DZIP3: variants seen among roughly 807,000 people sequenced by gnomAD.
DZIP3 encodes the protein DAZ interacting zinc finger protein 3.
A neutral mutation model predicts 162.0 loss-of-function variants in DZIP3; 118 were observed. The ratio of observed to expected loss-of-function variants is 0.73; its 90% CI spans 0.63 to 0.85. The LOEUF is 0.85. DZIP3 is among the 40% of genes least tolerant of loss of function. The pLI is 0.00. For synonymous variants in DZIP3, 438 were observed against 458.6 expected, an observed-to-expected ratio of 0.96 and a Z score of 0.57; for missense variants, 1,331 against 1,407.0, an observed-to-expected ratio of 0.95 and a Z score of 0.86.
At position 108,600,955 on chromosome 3, in the gene DZIP3, C is replaced by T. The variant is rs149301360; in HGVS notation, c.-72-4380C>T. ...AAATTAATAAACTTTCTCTGTGCTT[C>T]AGCTTCCTTATCTAACGAAGAAACT... On this transcript the variant is annotated intron_variant, in intron 1 of 32. Coordinates refer to ENST00000361582, the MANE Select transcript of DZIP3 (RefSeq NM_014648.4). Among the ~76,000 whole-genome samples, 327 of 152,296 alleles carry T rather than the reference C, an allele frequency of 2.1e-3. 2 individuals are homozygous for T. The highest frequency in any genetic ancestry group is 7.6e-3 in the African/African-American group (314 of 41,558).
At chr3:108,624,645 ATTTCT>A (rs1412741121) in intron 6 of DZIP3, 121 bp downstream of exon 6, 205 of 490,186 alleles carry the variant, frequency 4.2e-4, no homozygotes, top group Non-Finnish European at 6.4e-4. Context: ...TTATAACTTC[ATTTCT>A]TTTATTTATC....
At chr3:108,663,252 A>G (rs933706596) in intron 21 of DZIP3, among the ~76,000 whole-genome samples, 2 of 152,156 alleles carry the variant, frequency 1.3e-5, no homozygotes, top group African/African-American at 2.4e-5. Flanking sequence ...GCTGGCTGCA[A>G]TCACTTAAGA....
At chr3:108,640,178 A>G in intron 12 of DZIP3, among the ~76,000 whole-genome samples, 1 of 152,100 alleles carries the variant, frequency 6.6e-6, no homozygotes. Flanking sequence ...TGGATTTGTA[A>G]ATAATGTGTC....
At chr3:108,592,836 TTTAC>T (rs1428017714) in intron 1 of DZIP3, among the ~76,000 whole-genome samples, 4 of 152,216 alleles carry the variant, frequency 2.6e-5, no homozygotes, top group Non-Finnish European at 4.4e-5. Flanking sequence ...TAGAGATTGG[TTTAC>T]TTAGACTTTC....
At position 108,686,541 on chromosome 3, in the gene DZIP3, A is replaced by C; in HGVS notation, c.3106A>C (p.Arg1036=). ...RSDPSIMNWE[R]ITDRLKTAFP... ...TGATCCCTCCATCATGAATTGGGAG[A>C]GAATTACAGACAGGCTGAAAACTGC... Residue 1036 remains arginine, a synonymous_variant, in exon 28 of 33, where the codon AGA becomes CGA. Coordinates refer to ENST00000361582, the MANE Select transcript of DZIP3 (RefSeq NM_014648.4). The C allele has an allele frequency of 6.2e-7, 1 of 1,611,306 alleles. No homozygotes were observed.
intron 19 of DZIP3, among the ~76,000 whole-genome samples, chr3:108,655,656 C>T (rs1410955269): frequency 6.6e-6 from 1 of 152,056 alleles, no homozygotes; most frequent in Non-Finnish European, 1.5e-5. Flanking sequence ...GGGTTCAGGA[C>T]AGTGGGTGCG....
At position 108,688,084 on chromosome 3, in the gene DZIP3, C is replaced by T. The variant is rs922765651; in HGVS notation, c.3258C>T (p.Pro1086=). ...IVCKISQFID[P]KKSQSQGKSV... ...GCAAGATTTCCCAGTTTATTGACCCCAAAAAGTCTCAGGTAAAATGCAAAA... is the reference window on the plus strand; with the variant it reads ...GCAAGATTTCCCAGTTTATTGACCCTAAAAAGTCTCAGGTAAAATGCAAAA... The change falls in exon 29 of 33, where the codon CCC becomes CCT. Residue 1086 remains proline (P), a synonymous_variant. Transcript: ENST00000361582. 6.2e-7 allele frequency: 1 copy of T among 1,613,186 alleles called. No individual in the cohort carries two copies. The highest frequency in any genetic ancestry group is 8.5e-7 in the Non-Finnish European group (1 of 1,179,566).
intron 12 of DZIP3, among the ~76,000 whole-genome samples, chr3:108,640,753 C>CT (rs961609134): frequency 2.0e-5 from 3 of 152,022 alleles, no homozygotes; most frequent in African/African-American, 7.2e-5. Context: ...CTTAACATCT[C>CT]TTTTTAACCC....
intron 10 of DZIP3, 46 bp downstream of exon 10, chr3:108,635,018 C>A: frequency 8.2e-7 from 1 of 1,216,154 alleles, no homozygotes. Flanking sequence ...CTTCCTCTAC[C>A]CTTTCCTCTT....
intron 11 of DZIP3, among the ~76,000 whole-genome samples, chr3:108,637,089 A>G (rs1442638253): frequency 6.6e-6 from 1 of 152,030 alleles, no homozygotes; most frequent in East Asian, 1.9e-4. Context: ...GTATCTACAG[A>G]ACATCACATA....
At chr3:108,645,085 A>G (rs1942564789) in intron 14 of DZIP3, among the ~76,000 whole-genome samples, 1 of 152,178 alleles carries the variant, frequency 6.6e-6, no homozygotes, top group Non-Finnish European at 1.5e-5. Flanking sequence ...ACAAAAATAA[A>G]GGTATAGAAA....
At chr3:108,611,434 A>G in intron 4 of DZIP3, 105 bp downstream of exon 4, 1 of 1,365,854 alleles carries the variant, frequency 7.3e-7, no homozygotes, top group South Asian at 1.4e-5. Flanking sequence ...GGTCTTGAAA[A>G]AAATCTCCAT....
intron 15 of DZIP3, among the ~76,000 whole-genome samples, chr3:108,647,606 C>A (rs1271350231): frequency 6.6e-6 from 1 of 152,070 alleles, no homozygotes; most frequent in Non-Finnish European, 1.5e-5. Flanking sequence ...TAAAATAATA[C>A]TAGTTGCATT....
intron 32 of DZIP3, among the ~76,000 whole-genome samples, chr3:108,692,833 T>C (rs1944746666): frequency 1.3e-5 from 2 of 151,140 alleles, no homozygotes; most frequent in Non-Finnish European, 3.0e-5. Flanking sequence ...AACAAATTTT[T>C]ATATAATAAG....
intron 3 of DZIP3, among the ~76,000 whole-genome samples, chr3:108,610,025 G>T (rs1001705656): frequency 6.6e-6 from 1 of 152,118 alleles, no homozygotes; most frequent in African/African-American, 2.4e-5. Flanking sequence ...TAGTTACTTT[G>T]TAGAATTTTG....
At chr3:108,637,644 T>TG in intron 12 of DZIP3, 96 bp downstream of exon 12, 4 of 1,102,818 alleles carry the variant, frequency 3.6e-6, no homozygotes, top group Non-Finnish European at 2.6e-6. Flanking sequence ...CTAATAGAGC[T>TG]GCATTAAATT....
In DZIP3 at chr3:108,620,890, C is replaced by T. The variant is rs186332781; in HGVS notation, c.376-3554C>T. Among the ~76,000 whole-genome samples, 159 of 152,262 alleles carry T rather than the reference C, an allele frequency of 1.0e-3. 1 individual carries two copies. The highest frequency in any genetic ancestry group is 3.4e-3 in the Middle Eastern group (1 of 294). ...AGGCTGGAATGCAGTGGCACGATCT[C>T]GGCTCACTGCAACCTCCACCTCCTG... On this transcript the variant is annotated intron_variant, in intron 5 of 32. Coordinates refer to ENST00000361582, the MANE Select transcript of DZIP3 (RefSeq NM_014648.4).
chr3:108,660,333 C>G (rs1007684631), intron 19 of DZIP3, among the ~76,000 whole-genome samples: 1 of 152,092 alleles, frequency 6.6e-6, no homozygotes, highest in Non-Finnish European at 1.5e-5. Context: ...GAAATAATGC[C>G]ACATATCTAC....
chr3:108,662,173 A>T lies in DZIP3; in HGVS notation c.2339A>T (p.Glu780Val), dbSNP rs756827182. The T allele has an allele frequency of 6.2e-7, 1 of 1,607,630 alleles. No homozygotes were observed. Residue 780 changes from glutamate (E) to valine (V), a missense_variant, in exon 21 of 33, where the codon GAA (glutamate) becomes GTA (valine). By Grantham distance (121) the Glu-to-Val change is moderately radical (BLOSUM62 -2). This residue lies in a region of DZIP3 where 1,278 missense variants were observed against 1,317.1 expected (regional missense o/e 0.97). Transcript: ENST00000361582. ...AGAACAGTGACTTTTCGGTGGCAAG[A>T]AAACCAAATGCAGATTAAAAAGAAA... Reference protein sequence around the residue: ...QLRTVTFRWQENQMQIKKKDK... With the variant: ...QLRTVTFRWQVNQMQIKKKDK...
Sources: allele counts gnomAD v4.1 joint callset (sites outside exome capture counted in the v4.1 genomes callset), GRCh38; gene constraint gnomAD v4.1.1; regional missense constraint gnomAD v4.1.1; transcripts MANE v1.5; gene names NCBI Gene and HGNC (gene_info 2026-07-23, HGNC 2026-07-21).